Variants in FOXJ3 observed in about 807,000 individuals in gnomAD.
FOXJ3 encodes forkhead box J3, also known as forkhead box protein J3.
FOXJ3 carries 22 observed loss-of-function variants against 76.1 expected under a neutral mutation model. The observed-to-expected ratio is 0.29, with a 90% CI of 0.21 to 0.41. FOXJ3 has a LOEUF of 0.41. Among genes scored for constraint, FOXJ3 ranks in the 10% least tolerant of loss-of-function variants. FOXJ3 has a pLI of 1.00. For missense variants in FOXJ3, 613 were observed against 762.1 expected (o/e 0.80, Z 2.30); for synonymous variants, 269 against 261.2 (o/e 1.03, Z -0.29).
intron 6 of FOXJ3, among the ~76,000 whole-genome samples, chr1:42,200,306 A>T (rs1049514170): frequency 3.3e-5 from 5 of 152,206 alleles, no homozygotes; most frequent in African/African-American, 1.2e-4. Flanking sequence ...GGAATCACAT[A>T]GTGTATATCC....
intron 2 of FOXJ3, among the ~76,000 whole-genome samples, chr1:42,301,052 C>T (rs1284261848): frequency 1.3e-5 from 2 of 152,178 alleles, no homozygotes; most frequent in Admixed American, 1.3e-4. Flanking sequence ...TTCTGGATGT[C>T]TAAATCTCTT....
At chr1:42,270,012 G>C (rs759592351) in intron 3 of FOXJ3, among the ~76,000 whole-genome samples, 2 of 152,070 alleles carry the variant, frequency 1.3e-5, no homozygotes, top group African/African-American at 4.8e-5. Context: ...AGTGCACTTA[G>C]GACAAAATCC....
At chr1:42,330,003 T>C (rs1656064006) in intron 1 of FOXJ3, among the ~76,000 whole-genome samples, 1 of 152,192 alleles carries the variant, frequency 6.6e-6, no homozygotes, top group African/African-American at 2.4e-5. Flanking sequence ...CTTAGTCAAA[T>C]CAACCTCTCT....
Position 42,278,338 on chromosome 1 carries a change from A to C in FOXJ3, c.369+10T>G. On this transcript the variant is annotated intron_variant, in intron 3 of 12. Transcript: ENST00000361346. ...CTTCATAAAAGTAATAATTTAAATAAAATCCTTACCTTCCAACCACTGCCA... is the reference window on the plus strand; with the variant it reads ...CTTCATAAAAGTAATAATTTAAATACAATCCTTACCTTCCAACCACTGCCA... The C allele has an allele frequency of 6.4e-7, 1 of 1,560,872 alleles. No individual in the cohort carries two copies. Among genetic ancestry groups the C allele is most frequent in the Non-Finnish European group, 8.8e-7 (1 of 1,139,530 alleles).
At position 42,190,788 on chromosome 1, in the gene FOXJ3, C is replaced by T. The variant is rs150367361; in HGVS notation, c.1351+515G>A. Among the ~76,000 whole-genome samples the T allele has an allele frequency of 2.0e-3, 302 of 152,242 alleles. 1 individual carries two copies. In the Middle Eastern group the frequency reaches 0.024, roughly 12 times the overall value. ...GGAGGCTCCTTTAATAAATAGTGAC[C>T]TGGCAAATAAAAATAAAGCAAACTC... On this transcript the variant is annotated intron_variant, in intron 9 of 12. Coordinates refer to ENST00000361346, the MANE Select transcript of FOXJ3 (RefSeq NM_014947.5).
chr1:42,291,978 G>A (rs1031421256), intron 2 of FOXJ3, among the ~76,000 whole-genome samples: 6 of 152,142 alleles, frequency 3.9e-5, no homozygotes, highest in African/African-American at 9.7e-5. Flanking sequence ...AGCAGGCTCA[G>A]GGTCCCGATG....
At chr1:42,311,314 G>A (rs968187000) in intron 1 of FOXJ3, among the ~76,000 whole-genome samples, 1 of 152,160 alleles carries the variant, frequency 6.6e-6, no homozygotes, top group Non-Finnish European at 1.5e-5. Flanking sequence ...CACTCAGACA[G>A]ACAGACATAT....
At chr1:42,235,231 C>T (rs1161151709) in intron 4 of FOXJ3, among the ~76,000 whole-genome samples, 1 of 152,138 alleles carries the variant, frequency 6.6e-6, no homozygotes, top group Non-Finnish European at 1.5e-5. Context: ...CCTGGTGTGC[C>T]GTTTGCTAAG....
rs553407316 is a variant in FOXJ3 at position 42,228,408 on chromosome 1, TC to T, written c.445-443del. The stretch of plus-strand genomic sequence containing the variant: ...TGAACACATTTTATATAGTAAGTGT[TC>T]CTGAGAAGCAATGATACGTACATAA... On this transcript the variant is annotated intron_variant, in intron 4 of 12. Transcript: ENST00000361346. 1.5e-3 allele frequency among the ~76,000 whole-genome samples: 222 copies of T among 152,242 alleles called. 1 individual carries two copies. Among genetic ancestry groups the T allele is most frequent in the African/African-American group, 4.9e-3 (205 of 41,552 alleles).
chr1:42,188,179 G>GA (rs1646474528), intron 11 of FOXJ3, among the ~76,000 whole-genome samples: 1 of 152,148 alleles, frequency 6.6e-6, no homozygotes, highest in South Asian at 2.1e-4. Flanking sequence ...AATTCCTACA[G>GA]AAAAATGTGC....
chr1:42,290,575 C>T (rs1171877071), intron 2 of FOXJ3, among the ~76,000 whole-genome samples: 4 of 152,180 alleles, frequency 2.6e-5, no homozygotes, highest in Non-Finnish European at 5.9e-5. Context: ...TAAAATCCTT[C>T]TTATTCTTCT....
intron 2 of FOXJ3, among the ~76,000 whole-genome samples, chr1:42,291,107 T>G (rs527707906): frequency 5.1e-5 from 5 of 98,176 alleles, no homozygotes; most frequent in Non-Finnish European, 1.1e-4. Flanking sequence ...GACAGATAGA[T>G]CCACAGTCAC....
chr1:42,249,344 T>G (rs192588398), intron 4 of FOXJ3, among the ~76,000 whole-genome samples: 27 of 152,348 alleles, frequency 1.8e-4, no homozygotes, highest in Admixed American at 1.6e-3. Context: ...ACCATGTTAG[T>G]CTGTGATACA....
intron 4 of FOXJ3, among the ~76,000 whole-genome samples, chr1:42,264,439 T>C (rs1651315174): frequency 6.6e-6 from 1 of 152,074 alleles, no homozygotes; most frequent in Non-Finnish European, 1.5e-5. Context: ...AAAACAAATA[T>C]AAGAAGTCTA....
chr1:42,321,485 T>C (rs1439455991), intron 1 of FOXJ3, among the ~76,000 whole-genome samples: 3 of 152,156 alleles, frequency 2.0e-5, no homozygotes, highest in Non-Finnish European at 4.4e-5. Flanking sequence ...GTCTGGATTA[T>C]TTACTTTTAA....
At chr1:42,273,436 G>A (rs1231014988) in intron 3 of FOXJ3, among the ~76,000 whole-genome samples, 1 of 152,090 alleles carries the variant, frequency 6.6e-6, no homozygotes, top group Non-Finnish European at 1.5e-5. Context: ...CACTTTGGGA[G>A]GCCAAGGTAG....
chr1:42,317,515 A>T (rs1246836030), intron 1 of FOXJ3, among the ~76,000 whole-genome samples: 6 of 9,228 alleles, frequency 6.5e-4, no homozygotes, highest in East Asian at 5.0e-3. Flanking sequence ...GAGAAACCAT[A>T]AAAAAAAAAA....
chr1:42,286,171 T>C (rs1371498944), intron 2 of FOXJ3, among the ~76,000 whole-genome samples: 1 of 152,224 alleles, frequency 6.6e-6, no homozygotes, highest in Non-Finnish European at 1.5e-5. Flanking sequence ...TGTTATCATG[T>C]AATGTAAAAT....
rs1415253729 is a variant in FOXJ3 at position 42,195,079 on chromosome 1, A to G, written c.760-15T>C. 1.3e-6 allele frequency: 2 copies of G among 1,580,142 alleles called. No individual in the cohort carries two copies. The highest frequency in any genetic ancestry group is 1.7e-6 in the Non-Finnish European group (2 of 1,165,512). The stretch of plus-strand genomic sequence containing the variant: ...TGGCTTGTCACCTAACATTAAAAGA[A>G]AACACAACTAATTCAGCCTCTCTAC... On this transcript the variant is annotated splice_polypyrimidine_tract_variant and intron_variant, in intron 7 of 12. Coordinates refer to ENST00000361346, the MANE Select transcript of FOXJ3 (RefSeq NM_014947.5).
Sources: gnomAD v4.1 joint callset for allele counts (sites outside exome capture counted in the v4.1 genomes callset) on GRCh38, gnomAD v4.1.1 for gene constraint, MANE v1.5 for transcripts, NCBI Gene and HGNC (gene_info 2026-07-23, HGNC 2026-07-21) for gene names.